The following BDH1 variants were observed in gnomAD, a reference collection of about 807,000 sequenced individuals.
BDH1 encodes D-beta-hydroxybutyrate dehydrogenase, mitochondrial.
In BDH1, 30 loss-of-function variants were observed where a neutral mutation model predicts 33.1. That is an observed-to-expected ratio of 0.91 (90% CI 0.68 to 1.23). The LOEUF is 1.23. Ranked by LOEUF, BDH1 falls within the 50% of genes most tolerant of loss-of-function variation. The pLI is 0.00. For missense variants in BDH1, 443 were observed against 464.4 expected (o/e 0.95, Z 0.42); for synonymous variants, 190 against 183.6 (o/e 1.03, Z -0.28).
intron 1 of BDH1, among the ~76,000 whole-genome samples, chr3:197,562,758 G>GAA (rs560572174): frequency 7.1e-6 from 1 of 140,812 alleles, no homozygotes; most frequent in African/African-American, 2.6e-5. Flanking sequence ...TTCCTTTTAA[G>GAA]AAAAAAAAAA....
chr3:197,563,730 G>T (rs1357935657), intron 1 of BDH1, among the ~76,000 whole-genome samples: 1 of 152,056 alleles, frequency 6.6e-6, no homozygotes, highest in Non-Finnish European at 1.5e-5. Context: ...AAGATGAATA[G>T]TTTTTGTCTA....
In BDH1 at chr3:197,554,467, C is replaced by A. The variant is rs1966618; in HGVS notation, c.-44+95G>T. 37,459 of 152,132 alleles carry A rather than the reference C, an allele frequency of 0.25. 4,736 individuals carry two copies. Among genetic ancestry groups the A allele is most frequent in the African/African-American group, 0.27 (11,111 of 41,476 alleles). The allele number at this position is 152,132 out of a possible 1,614,324, so 9.4% of individuals were successfully genotyped here. A position where few individuals can be genotyped will look rare whatever the true frequency, so the allele number is the denominator to read the frequency against. ...GTATTGAGTGAATATGAAAGCTTCA[C>A]AAATTTCAAGGGTCAGCTTCCTTGG... On this transcript the variant is annotated intron_variant, in intron 2 of 7. Transcript: ENST00000392379. This position sits in a 1 kb window ranked among gnomAD's most constrained non-coding sequence, Gnocchi z 4.4.
chr3:197,561,465 A>G (rs755811318), intron 1 of BDH1, among the ~76,000 whole-genome samples: 1 of 151,822 alleles, frequency 6.6e-6, no homozygotes, highest in African/African-American at 2.4e-5. Flanking sequence ...GGGAAGATGA[A>G]TTCGAGTTTT....
At chr3:197,534,585 T>TA (rs1714982910) in intron 3 of BDH1, among the ~76,000 whole-genome samples, 1 of 152,194 alleles carries the variant, frequency 6.6e-6, no homozygotes, top group Admixed American at 6.5e-5. Flanking sequence ...TTCTCTTGGG[T>TA]AGGTGCCCAG....
intron 3 of BDH1, among the ~76,000 whole-genome samples, chr3:197,534,863 C>T (rs1164288292): frequency 6.6e-6 from 1 of 152,176 alleles, no homozygotes; most frequent in Non-Finnish European, 1.5e-5. Context: ...TTATTTGTCA[C>T]CTGTCTTAGT....
intron 5 of BDH1, among the ~76,000 whole-genome samples, chr3:197,527,870 A>T (rs1714256835): frequency 6.6e-6 from 1 of 151,648 alleles, no homozygotes; most frequent in Admixed American, 6.6e-5. Context: ...CCTTTGGATG[A>T]GGGAGCTCCA....
rs1337595611 is a variant in BDH1, at chr3:197,511,738, AAAG to A, written c.*154_*156del. 1 of 715,626 alleles carries A rather than the reference AAAG, an allele frequency of 1.4e-6. No homozygotes were observed. The highest frequency in any genetic ancestry group is 3.4e-5 in the Admixed American group (1 of 29,794). The allele number at this position is 715,626 out of a possible 1,614,324, so 44.3% of individuals were successfully genotyped here. A position where few individuals can be genotyped will look rare whatever the true frequency, so the allele number is the denominator to read the frequency against. On this transcript the variant is annotated 3_prime_UTR_variant, in exon 8 of 8. Coordinates refer to ENST00000392379, the MANE Select transcript of BDH1 (RefSeq NM_203314.3). ...TGAAGGCCCAAGTCACTCACTATGC[AAAG>A]AAGTCATTCCCTCTAGTTAGTGTTA...
rs1262412653 is a variant in BDH1 at position 197,512,135 on chromosome 3, C to T, written c.792G>A (p.Leu264=). The part of the protein sequence containing the change: ...QAIAKKMWEE[L]PEVVRKDYGK... ...CGTAGTCCTTGCGCACGACCTCAGG[C>T]AGCTCCTCCCACATCTTCTTGGCGA... Residue 264 remains leucine, a synonymous_variant, in exon 8 of 8, where the codon CTG becomes CTA. Coordinates refer to ENST00000392379, the MANE Select transcript of BDH1 (RefSeq NM_203314.3). 2 of 1,614,080 alleles carry T rather than the reference C, an allele frequency of 1.2e-6. No individual in the cohort carries two copies. Among genetic ancestry groups the T allele is most frequent in the Non-Finnish European group, 1.7e-6 (2 of 1,180,050 alleles).
chr3:197,516,193 C>A lies in BDH1; in HGVS notation c.410-1777G>T, dbSNP rs563541561. ...CCAGATACAAGTGGCCCCCAATGTC[C>A]TGGCCTAATCCTGCTCCTCTCAAAG... On this transcript the variant is annotated intron_variant, in intron 6 of 7. Coordinates refer to ENST00000392379, the MANE Select transcript of BDH1 (RefSeq NM_203314.3). This position sits in a 1 kb window ranked among gnomAD's most constrained non-coding sequence, Gnocchi z 4.2. Among the ~76,000 whole-genome samples the A allele has an allele frequency of 6.6e-6, 1 of 152,326 alleles. No homozygotes were observed. The highest frequency in any genetic ancestry group is 1.9e-4 in the East Asian group (1 of 5,178).
At chr3:197,538,373 CAG>C (rs1163478671) in intron 3 of BDH1, 1 of 454,410 alleles carries the variant, frequency 2.2e-6, no homozygotes, top group Non-Finnish European at 4.4e-6. Flanking sequence ...GTTTTTGAGA[CAG>C]AGTTTCACTC....
intron 2 of BDH1, among the ~76,000 whole-genome samples, chr3:197,552,029 T>C (rs1716618587): frequency 6.6e-6 from 1 of 152,130 alleles, no homozygotes; most frequent in South Asian, 2.1e-4. Context: ...CTCCCGAAGG[T>C]TGATCTCCAA....
chr3:197,519,629 ACT>A, intron 6 of BDH1, among the ~76,000 whole-genome samples: 1 of 152,138 alleles, frequency 6.6e-6, no homozygotes, highest in Middle Eastern at 3.4e-3. Context: ...GCACCATTGC[ACT>A]CCAGCCTGGG....
intron 3 of BDH1, among the ~76,000 whole-genome samples, chr3:197,540,970 A>T (rs560870258): frequency 5.9e-4 from 90 of 152,296 alleles, no homozygotes; most frequent in Non-Finnish European, 7.9e-4. Context: ...AGCTCCAGCT[A>T]GCATGACAGT....
At chr3:197,517,230 C>T (rs187645602) in intron 6 of BDH1, among the ~76,000 whole-genome samples, 17 of 146,606 alleles carry the variant, frequency 1.2e-4, no homozygotes, top group African/African-American at 3.7e-4. Flanking sequence ...CTATGGTCTC[C>T]ATCCCCCCTC....
Position 197,512,069 on chromosome 3 carries a change from G to C in BDH1, c.858C>G (p.Thr286=). ...TGTCTGTGGAGCCACTGCTGCAGTA[G>C]GTCTCCATCTTGGCGATCTTTTCAT... is the stretch of plus-strand genomic sequence containing the variant. ...YFDEKIAKME[T]YCSSGSTDTS... Residue 286 remains threonine (T), a synonymous_variant, in exon 8 of 8, where the codon ACC becomes ACG. Coordinates refer to ENST00000392379, the MANE Select transcript of BDH1 (RefSeq NM_203314.3). 6.2e-7 allele frequency: 1 copy of C among 1,614,188 alleles called. No individual in the cohort carries two copies. The highest frequency in any genetic ancestry group is 8.5e-7 in the Non-Finnish European group (1 of 1,180,024).
intron 6 of BDH1, chr3:197,515,339 C>G: frequency 1.0e-6 from 1 of 985,634 alleles, no homozygotes. Context: ...GCGGGTGTCT[C>G]CCTGCTCTAG....
rs1713507272 is a variant in BDH1, at chr3:197,521,188, C to G, written c.409+1452G>C. On this transcript the variant is annotated intron_variant, in intron 6 of 7. Coordinates refer to ENST00000392379, the MANE Select transcript of BDH1 (RefSeq NM_203314.3). This position sits in a 1 kb window ranked among gnomAD's most constrained non-coding sequence, Gnocchi z 4.9. ...AGCAGAGGCCTGAATGACGCACACC[C>G]TTTCTGCCTGGGCTGTCAGGGAGCT... Among the ~76,000 whole-genome samples, 2 of 152,174 alleles carry G rather than the reference C, an allele frequency of 1.3e-5. No homozygotes were observed. Among genetic ancestry groups the G allele is most frequent in the South Asian group, 4.1e-4 (2 of 4,836 alleles).
rs561265471 is a variant in BDH1, at chr3:197,561,173, T to C, written c.-44+12008A>G. ...ACCATGGAGGGATTCTGAGTGGAGATGCCCCTGACCTTTGACAGATCTACT... is the reference window on the plus strand; with the variant it reads ...ACCATGGAGGGATTCTGAGTGGAGACGCCCCTGACCTTTGACAGATCTACT... On this transcript the variant is annotated intron_variant, in intron 1 of 6. Transcript: ENST00000358186. 3.3e-5 allele frequency among the ~76,000 whole-genome samples: 5 copies of C among 152,264 alleles called. No individual in the cohort carries two copies. In the South Asian group the frequency reaches 8.3e-4, roughly 25 times the overall value.
chr3:197,543,030 C>A, intron 3 of BDH1: 2 of 985,408 alleles, frequency 2.0e-6, no homozygotes, highest in Non-Finnish European at 2.4e-6. Flanking sequence ...CCTATGCTGG[C>A]CAGGGCGTTC....
Sources: gnomAD v4.1 joint callset for allele counts (sites outside exome capture counted in the v4.1 genomes callset) on GRCh38, gnomAD v4.1.1 for gene constraint, Gnocchi (gnomAD v3.1) non-coding constraint, MANE v1.5 for transcripts, NCBI Gene and HGNC (gene_info 2026-07-23, HGNC 2026-07-21) for gene names.